ENPP2: variants seen among roughly 807,000 people sequenced by gnomAD.
The protein encoded by ENPP2 is autotaxin.
Under a neutral mutation model 120.2 loss-of-function variants are expected in ENPP2, and 51 were observed. The ratio of observed to expected loss-of-function variants is 0.42; its 90% CI spans 0.34 to 0.54. The LOEUF is 0.54. Ranked by LOEUF, ENPP2 falls within the 20% of genes least tolerant of loss-of-function variation. The probability of loss-of-function intolerance (pLI) is 0.04; values close to 1 mark genes in which losing one functional copy is unlikely to be tolerated. For synonymous variants in ENPP2, 365 were observed against 366.4 expected (o/e 1.00, Z 0.04); for missense variants, 920 against 1,066.5 (o/e 0.86, Z 1.91).
chr8:119,565,638 G>A (rs1814353518), intron 22 of ENPP2, among the ~76,000 whole-genome samples: 1 of 152,166 alleles, frequency 6.6e-6, no homozygotes, highest in Non-Finnish European at 1.5e-5. Flanking sequence ...ATTCCTGTCA[G>A]TGCTATCACC....
intron 1 of ENPP2, among the ~76,000 whole-genome samples, chr8:119,656,156 C>A (rs1273109533): frequency 6.6e-6 from 1 of 152,176 alleles, no homozygotes; most frequent in African/African-American, 2.4e-5. Flanking sequence ...AAATATTTTG[C>A]AAAAGATGAT....
At position 119,638,550 on chromosome 8, in the gene ENPP2, T is replaced by C. The variant is rs368970040; in HGVS notation, c.34-23A>G. The C allele has an allele frequency of 1.6e-5, 23 of 1,397,042 alleles. No homozygotes were observed. In the African/African-American group the frequency reaches 3.0e-4, roughly 18 times the overall value. 86.5% of individuals were successfully genotyped at this position (1,397,042 alleles called of 1,614,324 possible). ...TATCTAAGAGAATAAAGAGACCAAGTTGTCAAATACAGCTGGAGAAGACTA... is the reference window on the plus strand; with the variant it reads ...TATCTAAGAGAATAAAGAGACCAAGCTGTCAAATACAGCTGGAGAAGACTA... On this transcript the variant is annotated intron_variant, in intron 1 of 24. Transcript: ENST00000075322.
chr8:119,639,654 G>A (rs1272360202), upstream of ENPP2, among the ~76,000 whole-genome samples: 1 of 152,086 alleles, frequency 6.6e-6, no homozygotes, highest in African/African-American at 2.4e-5. Context: ...GGGGGAAGGG[G>A]ATGGCATGGG....
chr8:119,588,645 G>C (rs75700758), intron 13 of ENPP2, among the ~76,000 whole-genome samples: 8,527 of 152,030 alleles, frequency 0.056, 333 homozygotes, highest in Non-Finnish European at 0.084. Context: ...GTTTTCAGAA[G>C]GAGGAGGAGT....
rs1813573886 is a variant in ENPP2 at position 119,557,649 on chromosome 8, T to C, written c.2464A>G (p.Met822Val). The C allele has an allele frequency of 6.3e-7, 1 of 1,598,280 alleles. No homozygotes were observed. Residue 822 changes from methionine (M) to valine (V), a missense_variant, in exon 25 of 25, where the codon ATG becomes GTG. Transcript: ENST00000075322. ...ATGTCACGCACCCTAGCTGTGTGCA[T>C]CTTCATGAGTTCTTCTACCCATTTT... Reference protein sequence around the residue: ...ESKWVEELMKMHTARVRDIEH... With the variant: ...ESKWVEELMKVHTARVRDIEH...
At chr8:119,570,137 C>T (rs1179687672) in intron 20 of ENPP2, among the ~76,000 whole-genome samples, 2 of 149,582 alleles carry the variant, frequency 1.3e-5, no homozygotes, top group African/African-American at 2.5e-5. Flanking sequence ...GGTGTGGTGG[C>T]GTGCATCTCT....
Position 119,592,620 on chromosome 8 carries a change from T to C in ENPP2, c.1081+1132A>G, listed in dbSNP as rs374111632. ...CTTTACAATGCCTCAGCACATATCA[T>C]TGGGACCCTTCTACTTAGATGTCTG... On this transcript the variant is annotated intron_variant, in intron 12 of 24. Coordinates refer to ENST00000075322, the MANE Select transcript of ENPP2 (RefSeq NM_001040092.3). Among the ~76,000 whole-genome samples the C allele has an allele frequency of 7.9e-3, 1,064 of 134,672 alleles. 9 individuals carry two copies. The highest frequency in any genetic ancestry group is 0.029 in the African/African-American group (979 of 34,082). The allele number at this position is 134,672 out of a possible 152,430, so 88.4% of individuals were successfully genotyped here.
chr8:119,665,464 GA>G (rs1174173170), intron 1 of ENPP2, among the ~76,000 whole-genome samples: 1 of 152,158 alleles, frequency 6.6e-6, no homozygotes, highest in African/African-American at 2.4e-5. Context: ...TCTTTTCACA[GA>G]AATGCCTTTA....
At chr8:119,634,593 T>C (rs930060988) in intron 2 of ENPP2, among the ~76,000 whole-genome samples, 2 of 152,348 alleles carry the variant, frequency 1.3e-5, no homozygotes, top group East Asian at 3.9e-4. Flanking sequence ...CCCATTTTCC[T>C]GGTTGGAAAA....
intron 1 of ENPP2, among the ~76,000 whole-genome samples, chr8:119,670,841 G>A (rs952666001): frequency 1.3e-5 from 2 of 152,156 alleles, no homozygotes; most frequent in East Asian, 1.9e-4. Context: ...GAGAGGGAGT[G>A]AGTAGTAAGA....
Position 119,558,474 on chromosome 8 carries a change from C to T in ENPP2, c.2422-783G>A, listed in dbSNP as rs184759701. Among the ~76,000 whole-genome samples the T allele has an allele frequency of 3.3e-5, 5 of 152,232 alleles. No homozygotes were observed. In the East Asian group the frequency reaches 9.7e-4, roughly 30 times the overall value. On this transcript the variant is annotated intron_variant, in intron 24 of 24. Coordinates refer to ENST00000075322, the MANE Select transcript of ENPP2 (RefSeq NM_001040092.3). ...GAAACACGGAAAAAAGAAAGTGAATCTCTGCCTCAGCTGCTTGCCAAAAAT... is the reference window on the plus strand; with the variant it reads ...GAAACACGGAAAAAAGAAAGTGAATTTCTGCCTCAGCTGCTTGCCAAAAAT...
chr8:119,558,520 C>T (rs1813654556), intron 24 of ENPP2, among the ~76,000 whole-genome samples: 1 of 152,136 alleles, frequency 6.6e-6, no homozygotes, highest in African/African-American at 2.4e-5. Context: ...ACACAAGTTG[C>T]AGATGAAAGA....
At chr8:119,655,129 A>G (rs556895233) in intron 1 of ENPP2, among the ~76,000 whole-genome samples, 14 of 152,236 alleles carry the variant, frequency 9.2e-5, no homozygotes, top group Non-Finnish European at 1.8e-4. Context: ...TAAGAAAAGA[A>G]GAAAGAAACA....
chr8:119,655,874 G>C (rs193011232), intron 1 of ENPP2, among the ~76,000 whole-genome samples: 1 of 152,300 alleles, frequency 6.6e-6, no homozygotes, highest in East Asian at 1.9e-4. Context: ...TATGCAATGG[G>C]ACATTTAGTT....
chr8:119,602,611 C>T (rs1158404183), intron 9 of ENPP2, among the ~76,000 whole-genome samples: 1 of 152,084 alleles, frequency 6.6e-6, no homozygotes, highest in Non-Finnish European at 1.5e-5. Context: ...GCTCTAAGGC[C>T]TCACAGCTAA....
In ENPP2 at chr8:119,601,508, G is replaced by A. The variant is rs775700071; in HGVS notation, c.834-46C>T. On this transcript the variant is annotated intron_variant, in intron 9 of 24. Coordinates refer to ENST00000075322, the MANE Select transcript of ENPP2 (RefSeq NM_001040092.3). ...AAGCATGTTGTTAGGTTTCATTTCC[G>A]CAAACTCAAGCCTGAGGAGTGCTCG... is the stretch of plus-strand genomic sequence containing the variant. 9.0e-6 allele frequency: 13 copies of A among 1,439,252 alleles called. No homozygotes were observed. In the Admixed American group the frequency reaches 1.2e-4, roughly 13 times the overall value. The allele number at this position is 1,439,252 out of a possible 1,614,324, so 89.2% of individuals were successfully genotyped here.
At chr8:119,573,071 G>A (rs1264640266) in intron 19 of ENPP2, 1 of 152,214 alleles carries the variant, frequency 6.6e-6, no homozygotes, top group Non-Finnish European at 1.5e-5. Context: ...GAGACATGAA[G>A]AAGAAAGGGC....
intron 19 of ENPP2, among the ~76,000 whole-genome samples, chr8:119,574,968 G>A (rs1054129843): frequency 1.3e-5 from 2 of 152,148 alleles, no homozygotes; most frequent in Non-Finnish European, 2.9e-5. Context: ...TCCTACAACA[G>A]AACAATAACT....
intron 2 of ENPP2, among the ~76,000 whole-genome samples, chr8:119,628,040 T>G (rs1490722740): frequency 6.6e-6 from 1 of 151,542 alleles, no homozygotes; most frequent in Non-Finnish European, 1.5e-5. Flanking sequence ...TTTAAACACT[T>G]ATTTAAAAAT....
Sources: allele counts gnomAD v4.1 joint callset (sites outside exome capture counted in the v4.1 genomes callset), GRCh38; gene constraint gnomAD v4.1.1; transcripts MANE v1.5; gene names NCBI Gene and HGNC (gene_info 2026-07-23, HGNC 2026-07-21).